The following KAZN variants were observed in gnomAD, a reference collection of about 807,000 sequenced individuals.
The protein encoded by KAZN is kazrin.
Under a neutral mutation model 87.4 loss-of-function variants are expected in KAZN, and 40 were observed. The observed-to-expected ratio is 0.46, with a 90% CI of 0.36 to 0.60. The LOEUF (loss-of-function observed/expected upper bound fraction) is 0.60. Among genes scored for constraint, KAZN ranks in the 20% least tolerant of loss-of-function variants. The pLI, the probability that KAZN is intolerant of heterozygous loss-of-function variation, is 0.00. For missense variants in KAZN, 898 were observed against 1,073.9 expected (o/e 0.84, Z 2.29); for synonymous variants, 466 against 458.3 (o/e 1.02, Z -0.22).
At chr1:14,171,223 G>A (rs768687265) in intron 1 of KAZN, among the ~76,000 whole-genome samples, 5 of 152,172 alleles carry the variant, frequency 3.3e-5, no homozygotes, top group African/African-American at 1.2e-4. Flanking sequence ...TCCACCTTGG[G>A]CTGCTATGAA....
intron 1 of KAZN, among the ~76,000 whole-genome samples, chr1:14,147,010 A>G (rs1001803257): frequency 6.6e-6 from 1 of 152,142 alleles, no homozygotes; most frequent in African/African-American, 2.4e-5. Context: ...AGCAAGGATA[A>G]AGACCTTTAT....
intron 1 of KAZN, among the ~76,000 whole-genome samples, chr1:14,116,328 G>A (rs1644617053): frequency 6.6e-6 from 1 of 152,188 alleles, no homozygotes; most frequent in South Asian, 2.1e-4. Flanking sequence ...CCCATGCTGT[G>A]TGCAGCCTAG....
chr1:13,941,705 A>G (rs1640934054), intron 1 of KAZN, among the ~76,000 whole-genome samples: 2 of 152,130 alleles, frequency 1.3e-5, no homozygotes, highest in African/African-American at 4.8e-5. Context: ...AAATTTTCCT[A>G]CTGACAACAA....
rs1639231342 is a variant in KAZN, at chr1:14,662,310, CGG to C, written c.226+63090_226+63091del. Reference sequence around the variant, plus strand: ...AGGCTGCTGGGACCATCCGCAGTGTCGGGGAAGTGGGTTGCTGACACCATAGG... The same window carrying C: ...AGGCTGCTGGGACCATCCGCAGTGTCGGAAGTGGGTTGCTGACACCATAGG... On this transcript the variant is annotated intron_variant, in intron 1 of 14. Transcript: ENST00000376030. 2.0e-5 allele frequency among the ~76,000 whole-genome samples: 3 copies of C among 152,140 alleles called. No individual in the cohort carries two copies. In the South Asian group the frequency reaches 6.2e-4, roughly 32 times the overall value.
chr1:14,887,239 T>G (rs1654170149), intron 1 of KAZN, among the ~76,000 whole-genome samples: 1 of 152,210 alleles, frequency 6.6e-6, no homozygotes, highest in Admixed American at 6.5e-5. Context: ...AAGATTTTTT[T>G]TCCTAAACTG....
At chr1:14,335,549 C>T (rs948167309) in intron 2 of KAZN, among the ~76,000 whole-genome samples, 22 of 152,038 alleles carry the variant, frequency 1.4e-4, no homozygotes, top group African/African-American at 3.6e-4. Flanking sequence ...GGCTATGTGA[C>T]GCACCTGCTC....
chr1:14,009,647 G>A (rs1454377848), intron 1 of KAZN, among the ~76,000 whole-genome samples: 2 of 152,286 alleles, frequency 1.3e-5, no homozygotes, highest in East Asian at 3.9e-4. Flanking sequence ...TCAGTGGTCA[G>A]GTCAGGAGCC....
chr1:14,096,144 TTATC>T (rs1644122135), intron 1 of KAZN, among the ~76,000 whole-genome samples: 2 of 152,202 alleles, frequency 1.3e-5, no homozygotes, highest in Non-Finnish European at 1.5e-5. Flanking sequence ...TAATTTCACT[TTATC>T]TGTGTTATTT....
intron 2 of KAZN, among the ~76,000 whole-genome samples, chr1:14,507,838 G>T (rs1473760847): frequency 6.6e-6 from 1 of 152,008 alleles, no homozygotes; most frequent in East Asian, 1.9e-4. Context: ...ACGGTGACGG[G>T]TGCCTGTAGT....
At chr1:14,182,011 G>A (rs894388491) in intron 2 of KAZN, among the ~76,000 whole-genome samples, 1 of 152,056 alleles carries the variant, frequency 6.6e-6, no homozygotes, top group Non-Finnish European at 1.5e-5. Flanking sequence ...TTTCAAAAAT[G>A]TTTCATATTC....
chr1:15,008,607 G>A (rs901494917), intron 2 of KAZN, among the ~76,000 whole-genome samples: 1 of 152,322 alleles, frequency 6.6e-6, no homozygotes, highest in Middle Eastern at 3.4e-3. Flanking sequence ...AGGTTCAAAG[G>A]CCAGAGGTTA....
chr1:14,682,045 G>T (rs55672905), intron 1 of KAZN, among the ~76,000 whole-genome samples: 5 of 151,800 alleles, frequency 3.3e-5, no homozygotes, highest in Non-Finnish European at 1.5e-5. Flanking sequence ...ACATTGTTGC[G>T]CAACCATCAT....
intron 1 of KAZN, among the ~76,000 whole-genome samples, chr1:14,120,773 T>C (rs6670156): frequency 0.6 from 90,541 of 152,100 alleles, 28,808 homozygotes; most frequent in African/African-American, 0.8. Context: ...CTGTGTCTGA[T>C]CTTGCTTTCT....
chr1:15,075,640 C>T (rs1639704945), intron 8 of KAZN, among the ~76,000 whole-genome samples: 1 of 152,176 alleles, frequency 6.6e-6, no homozygotes, highest in African/African-American at 2.4e-5. Flanking sequence ...CCCTATGGGC[C>T]TCCAGAAGGG....
intron 8 of KAZN, among the ~76,000 whole-genome samples, chr1:15,086,659 G>A (rs1176147739): frequency 6.6e-6 from 1 of 152,180 alleles, no homozygotes. Context: ...AATAATCATC[G>A]TGACAATGTC....
At chr1:14,082,912 A>G (rs1004225666) in intron 1 of KAZN, among the ~76,000 whole-genome samples, 1 of 152,218 alleles carries the variant, frequency 6.6e-6, no homozygotes, top group Non-Finnish European at 1.5e-5. Flanking sequence ...ATCAAATACA[A>G]GGGCCAGGCG....
chr1:14,897,542 T>C (rs1420859478), intron 1 of KAZN, among the ~76,000 whole-genome samples: 1 of 152,194 alleles, frequency 6.6e-6, no homozygotes, highest in Non-Finnish European at 1.5e-5. Flanking sequence ...TATTTATTCA[T>C]CTTTAAAATA....
chr1:14,564,955 G>A (rs776633941), intron 2 of KAZN, among the ~76,000 whole-genome samples: 2 of 152,104 alleles, frequency 1.3e-5, no homozygotes, highest in African/African-American at 2.4e-5. Flanking sequence ...AGACACTATC[G>A]ACAGTATTTT....
intron 1 of KAZN, among the ~76,000 whole-genome samples, chr1:13,981,089 T>TTATATATATATATATATATATATATA (rs1205017791): frequency 3.5e-4 from 22 of 63,110 alleles, no homozygotes; most frequent in African/African-American, 9.9e-4. Flanking sequence ...AAATTACTCT[T>TTATATATATATATATATATATATATA]TATATATATA....
Sources: allele counts gnomAD v4.1 joint callset (sites outside exome capture counted in the v4.1 genomes callset), GRCh38; gene constraint gnomAD v4.1.1; transcripts MANE v1.5; gene names NCBI Gene and HGNC (gene_info 2026-07-23, HGNC 2026-07-21).